DIAPH3: variants seen among roughly 807,000 people sequenced by gnomAD.
DIAPH3 encodes diaphanous related formin 3, also known as protein diaphanous homolog 3.
DIAPH3 carries 117 observed loss-of-function variants against 144.3 expected under a neutral mutation model. The ratio of observed to expected loss-of-function variants is 0.81; its 90% CI spans 0.70 to 0.95. DIAPH3 has a LOEUF of 0.95. Among genes scored for constraint, DIAPH3 ranks in the 40% least tolerant of loss-of-function variants. The probability of loss-of-function intolerance (pLI) is 0.00; values close to 1 mark genes in which losing one functional copy is unlikely to be tolerated. For synonymous variants in DIAPH3, 519 were observed against 488.9 expected, an observed-to-expected ratio of 1.06 and a Z score of -0.81; for missense variants, 1,421 against 1,412.7, an observed-to-expected ratio of 1.01 and a Z score of -0.09.
chr13:59,872,888 A>G (rs1048607334), intron 21 of DIAPH3, among the ~76,000 whole-genome samples: 1 of 152,222 alleles, frequency 6.6e-6, no homozygotes, highest in Non-Finnish European at 1.5e-5. Flanking sequence ...AAGGCACACA[A>G]GCAGCCTATT....
At chr13:59,871,930 C>T (rs982431296) in intron 21 of DIAPH3, among the ~76,000 whole-genome samples, 1 of 152,106 alleles carries the variant, frequency 6.6e-6, no homozygotes, top group Non-Finnish European at 1.5e-5. Flanking sequence ...GGATCAGTAA[C>T]GATAGTCCCT....
At chr13:59,977,310 C>T (rs1293671808) in intron 14 of DIAPH3, among the ~76,000 whole-genome samples, 1 of 151,786 alleles carries the variant, frequency 6.6e-6, no homozygotes, top group Admixed American at 6.6e-5. Context: ...AACTTACTAG[C>T]ATTTCAGCGT....
At position 59,890,098 on chromosome 13, in the gene DIAPH3, T is replaced by A. The variant is rs540452764; in HGVS notation, c.2368-10630A>T. ...TAGTATCTCTGTTCCACTCTCACCC[T>A]GTAGCAGCTGCTATCTGGCTAGTCT... On this transcript the variant is annotated intron_variant, in intron 20 of 27. Transcript: ENST00000400324. Among the ~76,000 whole-genome samples the A allele has an allele frequency of 7.2e-5, 11 of 152,294 alleles. No individual in the cohort carries two copies. In the East Asian group the frequency reaches 9.6e-4, roughly 13 times the overall value.
chr13:59,804,585 A>C (rs1566335295), intron 25 of DIAPH3, among the ~76,000 whole-genome samples: 1 of 151,964 alleles, frequency 6.6e-6, no homozygotes, highest in East Asian at 1.9e-4. Context: ...TAGTAGTAGC[A>C]GTTGTTGTTG....
chr13:59,711,494 C>T (rs996381844), intron 27 of DIAPH3, among the ~76,000 whole-genome samples: 4 of 152,138 alleles, frequency 2.6e-5, no homozygotes, highest in Non-Finnish European at 5.9e-5. Context: ...CATTACCACA[C>T]CACCACCACC....
chr13:60,042,483 T>TAA (rs2055749066), intron 5 of DIAPH3, among the ~76,000 whole-genome samples: 1 of 150,932 alleles, frequency 6.6e-6, no homozygotes, highest in Admixed American at 6.6e-5. Context: ...GCAAAAGGCT[T>TAA]TTTTACAGTC....
At chr13:60,010,752 A>G in intron 7 of DIAPH3, 83 bp from the exon 8 acceptor site, 1 of 1,377,546 alleles carries the variant, frequency 7.3e-7, no homozygotes. Flanking sequence ...GTTATTAAAA[A>G]AAATTTATAG....
rs148965333 is a variant in DIAPH3, at chr13:59,790,679, G to A, written c.3164-15856C>T. ...TTTTGAAAAGGAGGAAGTCAGCAAGGAGAATAAGGCAAATCTGAATGAGTG... is the reference window on the plus strand; with the variant it reads ...TTTTGAAAAGGAGGAAGTCAGCAAGAAGAATAAGGCAAATCTGAATGAGTG... On this transcript the variant is annotated intron_variant, in intron 25 of 27. Coordinates refer to ENST00000400324, the MANE Select transcript of DIAPH3 (RefSeq NM_001042517.2). Among the ~76,000 whole-genome samples the A allele has an allele frequency of 4.6e-5, 7 of 152,206 alleles. No individual in the cohort carries two copies. In the East Asian group the frequency reaches 1.4e-3, roughly 29 times the overall value.
chr13:59,950,040 C>T (rs1037817855), intron 17 of DIAPH3, among the ~76,000 whole-genome samples: 1 of 152,092 alleles, frequency 6.6e-6, no homozygotes, highest in Non-Finnish European at 1.5e-5. Flanking sequence ...TGGACTTTAC[C>T]TACTGCAACA....
At chr13:59,946,448 C>CA (rs994713541) in intron 17 of DIAPH3, among the ~76,000 whole-genome samples, 3 of 151,722 alleles carry the variant, frequency 2.0e-5, no homozygotes, top group African/African-American at 4.8e-5. Context: ...TCATTTCTTC[C>CA]AAAAAAAGAG....
chr13:59,733,271 TA>T (rs1451856019), intron 27 of DIAPH3, among the ~76,000 whole-genome samples: 1 of 152,206 alleles, frequency 6.6e-6, no homozygotes, highest in Non-Finnish European at 1.5e-5. Context: ...AAATGTTCAC[TA>T]TTGAGTAAAA....
At chr13:60,117,826 T>C (rs1236986527) in intron 2 of DIAPH3, among the ~76,000 whole-genome samples, 1 of 152,166 alleles carries the variant, frequency 6.6e-6, no homozygotes, top group Non-Finnish European at 1.5e-5. Context: ...GGTTATCTTG[T>C]ATTTGGCAAT....
intron 24 of DIAPH3, among the ~76,000 whole-genome samples, chr13:59,817,575 A>G (rs1357553024): frequency 1.3e-5 from 2 of 151,938 alleles, no homozygotes; most frequent in Non-Finnish European, 2.9e-5. Flanking sequence ...GAGGTCTCTT[A>G]TAAACAGCAT....
At chr13:59,977,147 A>G (rs140530904) in intron 14 of DIAPH3, among the ~76,000 whole-genome samples, 1 of 151,944 alleles carries the variant, frequency 6.6e-6, no homozygotes, top group African/African-American at 2.4e-5. Context: ...TGGTCAGTGT[A>G]CTTTTAGTCA....
intron 22 of DIAPH3, 47 bp from the exon 23 acceptor site, chr13:59,839,495 T>C (rs1344269168): frequency 3.0e-5 from 48 of 1,585,802 alleles, no homozygotes; most frequent in Non-Finnish European, 3.4e-5. Flanking sequence ...AATTATAATA[T>C]ATAAAAGGTA....
At chr13:60,024,531 T>C (rs956210532) in intron 5 of DIAPH3, among the ~76,000 whole-genome samples, 2 of 152,186 alleles carry the variant, frequency 1.3e-5, no homozygotes, top group Admixed American at 6.5e-5. Flanking sequence ...TATTTGCCTA[T>C]TGTAACACTT....
Position 60,109,836 on chromosome 13 carries a change from G to GT in DIAPH3, c.390+2173dup, listed in dbSNP as rs995309854. Among the ~76,000 whole-genome samples the GT allele has an allele frequency of 2.1e-4, 32 of 151,278 alleles. 1 individual carries two copies. Among genetic ancestry groups the GT allele is most frequent in the Middle Eastern group, 6.8e-3 (2 of 294 alleles). Reference sequence around the variant, plus strand: ...AATCACTGAAATTGACTTCAGAAACGTAAGTTGTAAATGTAGTGATGAACA... The same window carrying GT: ...AATCACTGAAATTGACTTCAGAAACGTTAAGTTGTAAATGTAGTGATGAACA... On this transcript the variant is annotated intron_variant, in intron 3 of 27. Transcript: ENST00000400324.
chr13:59,727,292 C>CA (rs140481358), intron 27 of DIAPH3, among the ~76,000 whole-genome samples: 3,453 of 151,362 alleles, frequency 0.023, 89 homozygotes, highest in East Asian at 0.12. Flanking sequence ...TCACATAGAG[C>CA]AAAAAAAAAA....
intron 1 of DIAPH3, among the ~76,000 whole-genome samples, chr13:60,162,709 A>G (rs1952350098): frequency 6.6e-6 from 1 of 151,960 alleles, no homozygotes; most frequent in Non-Finnish European, 1.5e-5. Context: ...TTCACAAACC[A>G]TTATTCCCTT....
Sources: allele counts gnomAD v4.1 joint callset (sites outside exome capture counted in the v4.1 genomes callset), GRCh38; gene constraint gnomAD v4.1.1; transcripts MANE v1.5; gene names NCBI Gene and HGNC (gene_info 2026-07-23, HGNC 2026-07-21).